Variants in DENND1A observed in about 807,000 individuals in gnomAD.
DENND1A encodes the protein DENN domain containing 1A, also known as DENN domain-containing protein 1A.
In DENND1A, 51 loss-of-function variants were observed where a neutral mutation model predicts 113.7. The ratio of observed to expected loss-of-function variants is 0.45; its 90% CI spans 0.36 to 0.57. DENND1A has a LOEUF of 0.57. Ranked by LOEUF, DENND1A falls within the 20% of genes least tolerant of loss-of-function variation. The probability of loss-of-function intolerance (pLI) is 0.00; values close to 1 mark genes in which losing one functional copy is unlikely to be tolerated. For synonymous variants in DENND1A, 565 were observed against 570.8 expected, an observed-to-expected ratio of 0.99 and a Z score of 0.14; for missense variants, 1,258 against 1,395.9, an observed-to-expected ratio of 0.90 and a Z score of 1.57.
At chr9:123,712,886 C>T (rs1422002659) in intron 5 of DENND1A, among the ~76,000 whole-genome samples, 1 of 152,204 alleles carries the variant, frequency 6.6e-6, no homozygotes, top group Non-Finnish European at 1.5e-5. Context: ...AAAGTTCTAC[C>T]TAAATACCTC....
chr9:123,763,917 C>T (rs757486423), intron 4 of DENND1A, among the ~76,000 whole-genome samples: 1 of 151,626 alleles, frequency 6.6e-6, no homozygotes, highest in African/African-American at 2.4e-5. Context: ...GTAGATAACT[C>T]GTTCAAAAAA....
intron 13 of DENND1A, among the ~76,000 whole-genome samples, chr9:123,472,230 T>A (rs1418943655): frequency 6.6e-6 from 1 of 151,840 alleles, no homozygotes; most frequent in Non-Finnish European, 1.5e-5. Context: ...CTGAGGTGAC[T>A]CTGTCCAGGT....
chr9:123,486,621 A>G (rs2133873595), intron 13 of DENND1A, among the ~76,000 whole-genome samples: 1 of 152,340 alleles, frequency 6.6e-6, no homozygotes, highest in East Asian at 1.9e-4. Flanking sequence ...GCATGTGTCC[A>G]GCCAGCAAGC....
chr9:123,704,394 C>A (rs1336764395), intron 5 of DENND1A, among the ~76,000 whole-genome samples: 1 of 152,142 alleles, frequency 6.6e-6, no homozygotes, highest in Non-Finnish European at 1.5e-5. Context: ...GCAGAAAATT[C>A]TTCATTCTTG....
intron 8 of DENND1A, 63 bp from the exon 9 acceptor site, chr9:123,652,186 T>A: frequency 1.5e-6 from 2 of 1,299,220 alleles, no homozygotes; most frequent in Non-Finnish European, 2.2e-6. Flanking sequence ...TAACTGTATC[T>A]AATAAGAGCA....
intron 4 of DENND1A, among the ~76,000 whole-genome samples, chr9:123,758,218 G>A (rs10818868): frequency 0.069 from 10,465 of 152,134 alleles, 490 homozygotes; most frequent in African/African-American, 0.13. Context: ...TTTAACCCTC[G>A]CGCTGATTCC....
At chr9:123,523,344 C>T (rs1282546158) in intron 13 of DENND1A, among the ~76,000 whole-genome samples, 4 of 152,162 alleles carry the variant, frequency 2.6e-5, no homozygotes, top group Non-Finnish European at 4.4e-5. Flanking sequence ...CCACAAGAAC[C>T]GTGCGAGGCG....
intron 13 of DENND1A, among the ~76,000 whole-genome samples, chr9:123,526,379 G>A (rs1049498347): frequency 5.9e-5 from 9 of 152,100 alleles, no homozygotes; most frequent in African/African-American, 1.7e-4. Context: ...TGGTCCTACC[G>A]AATACGCTTA....
chr9:123,517,314 A>G (rs1373363846), intron 13 of DENND1A, among the ~76,000 whole-genome samples: 2 of 151,062 alleles, frequency 1.3e-5, no homozygotes, highest in Non-Finnish European at 2.9e-5. Flanking sequence ...ATATCACAAC[A>G]ACAAAAATTT....
At chr9:123,899,427 A>G (rs962795155) in intron 1 of DENND1A, among the ~76,000 whole-genome samples, 4 of 152,298 alleles carry the variant, frequency 2.6e-5, no homozygotes, top group South Asian at 2.1e-4. Context: ...ACTACCTTAA[A>G]TGCTGGAGGT....
chr9:123,823,413 A>C (rs1838811764), intron 2 of DENND1A, among the ~76,000 whole-genome samples: 1 of 152,172 alleles, frequency 6.6e-6, no homozygotes. Flanking sequence ...AAAAGAAGAA[A>C]GAACAGAAGC....
chr9:123,632,906 A>AT (rs1242755412), intron 9 of DENND1A, among the ~76,000 whole-genome samples: 149 of 150,950 alleles, frequency 9.9e-4, no homozygotes, highest in Non-Finnish European at 1.5e-3. Flanking sequence ...TATAATAATA[A>AT]TAATATTATT....
chr9:123,483,178 A>G (rs1395070532), intron 13 of DENND1A, among the ~76,000 whole-genome samples: 1 of 152,088 alleles, frequency 6.6e-6, no homozygotes. Context: ...ACCTCCCCCT[A>G]CTACACTGAG....
At chr9:123,551,928 C>G (rs1589103425) in intron 13 of DENND1A, among the ~76,000 whole-genome samples, 1 of 151,848 alleles carries the variant, frequency 6.6e-6, no homozygotes, top group Non-Finnish European at 1.5e-5. Flanking sequence ...GTAAAGAAAA[C>G]AAAGCTCAGG....
chr9:123,728,220 G>A (rs931545103), intron 5 of DENND1A, among the ~76,000 whole-genome samples: 1 of 151,942 alleles, frequency 6.6e-6, no homozygotes, highest in Non-Finnish European at 1.5e-5. Context: ...GCTCACACCT[G>A]TAATCCCAGC....
At chr9:123,544,824 C>T (rs561108930) in intron 13 of DENND1A, among the ~76,000 whole-genome samples, 133 of 152,272 alleles carry the variant, frequency 8.7e-4, no homozygotes, top group African/African-American at 3.1e-3. Context: ...ATGTGCCAGG[C>T]GTGGTGGCTC....
At chr9:123,862,546 C>A (rs992025988) in intron 2 of DENND1A, among the ~76,000 whole-genome samples, 2 of 152,198 alleles carry the variant, frequency 1.3e-5, no homozygotes, top group Non-Finnish European at 2.9e-5. Context: ...TGCTTTCATT[C>A]ACCACAGAGC....
At chr9:123,438,903 G>T (rs1011864856) in intron 19 of DENND1A, among the ~76,000 whole-genome samples, 1 of 152,190 alleles carries the variant, frequency 6.6e-6, no homozygotes, top group African/African-American at 2.4e-5. Context: ...TTCGAAAATG[G>T]AATGTTTAAC....
intron 5 of DENND1A, among the ~76,000 whole-genome samples, chr9:123,752,917 TCC>T (rs1245069006): frequency 8.5e-5 from 13 of 152,192 alleles, no homozygotes; most frequent in Admixed American, 3.9e-4. Context: ...TAGTATCAAC[TCC>T]CATCCAGGAA....
Sources: allele counts gnomAD v4.1 joint callset (sites outside exome capture counted in the v4.1 genomes callset), GRCh38; gene constraint gnomAD v4.1.1; transcripts MANE v1.5; gene names NCBI Gene and HGNC (gene_info 2026-07-23, HGNC 2026-07-21).